The following PCDH15 variants were observed in gnomAD, a reference collection of about 807,000 sequenced individuals.
PCDH15 encodes the protein protocadherin-15.
A neutral mutation model predicts 178.5 loss-of-function variants in PCDH15; 129 were observed. The observed-to-expected ratio is 0.72, with a 90% CI of 0.63 to 0.84. The LOEUF is 0.84. PCDH15 is among the 40% of genes least tolerant of loss of function. The pLI is 0.00. For missense variants in PCDH15, 2,230 were observed against 2,099.9 expected (o/e 1.06, Z -1.21); for synonymous variants, 800 against 732.0 (o/e 1.09, Z -1.50).
intron 8 of PCDH15, among the ~76,000 whole-genome samples, chr10:54,247,269 C>G (rs760740126): frequency 2.8e-4 from 42 of 151,876 alleles, no homozygotes; most frequent in Non-Finnish European, 5.0e-4. Flanking sequence ...TTGCACTCAT[C>G]CACATCAGAA....
chr10:54,297,281 A>C (rs898442700), intron 8 of PCDH15, among the ~76,000 whole-genome samples: 1 of 151,988 alleles, frequency 6.6e-6, no homozygotes, highest in Non-Finnish European at 1.5e-5. Flanking sequence ...GACCAATTTG[A>C]CCCGCAAACC....
chr10:54,968,729 T>C (rs61850894), intron 2 of PCDH15, among the ~76,000 whole-genome samples: 35,474 of 152,060 alleles, frequency 0.23, 4,973 homozygotes, highest in Non-Finnish European at 0.32. Context: ...TTTCCCTTCC[T>C]CTTTCAAGAA....
At chr10:55,305,483 C>T (rs1843398712) in intron 1 of PCDH15, among the ~76,000 whole-genome samples, 2 of 152,136 alleles carry the variant, frequency 1.3e-5, no homozygotes, top group African/African-American at 2.4e-5. Flanking sequence ...GCTGAGGCCC[C>T]CAGGCACTGT....
chr10:53,808,315 ATATAGTGT>A (rs1306024519), intron 37 of PCDH15: 2 of 515,984 alleles, frequency 3.9e-6, no homozygotes, highest in African/African-American at 4.6e-5. Flanking sequence ...ATAAAAACAT[ATATAGTGT>A]GTGTGTGTAT....
intron 3 of PCDH15, among the ~76,000 whole-genome samples, chr10:54,426,908 A>T (rs952237813): frequency 1.4e-5 from 2 of 145,874 alleles, no homozygotes; most frequent in African/African-American, 2.6e-5. Context: ...CATGAGTATA[A>T]AAAAAAAAAG....
intron 1 of PCDH15, among the ~76,000 whole-genome samples, chr10:55,273,659 C>T (rs1416844911): frequency 6.6e-6 from 1 of 152,022 alleles, no homozygotes; most frequent in Admixed American, 6.6e-5. Flanking sequence ...GACATCTACT[C>T]ACTATGTGAA....
intron 8 of PCDH15, among the ~76,000 whole-genome samples, chr10:54,314,542 G>C (rs1036958120): frequency 1.3e-5 from 2 of 152,062 alleles, no homozygotes; most frequent in African/African-American, 4.8e-5. Flanking sequence ...TAAAAAAAGA[G>C]TTATATTTTA....
intron 2 of PCDH15, among the ~76,000 whole-genome samples, chr10:54,627,198 T>C (rs12570816): frequency 0.11 from 16,629 of 152,162 alleles, 1,225 homozygotes; most frequent in East Asian, 0.36. Flanking sequence ...CTGTGGACTT[T>C]TGAGTTAATG....
chr10:53,806,477 G>A lies in PCDH15; in HGVS notation c.*102C>T. On this transcript the variant is annotated 3_prime_UTR_variant, in exon 38 of 38. Transcript: ENST00000644397. ...TATTGTTCAAAGTTTTAGCTTGTGT[G>A]CATGATATAAATTCCATACATTGTT... is the stretch of plus-strand genomic sequence containing the variant. 1.0e-6 allele frequency: 1 copy of A among 998,216 alleles called. No homozygotes were observed. Among genetic ancestry groups the A allele is most frequent in the South Asian group, 1.8e-5 (1 of 55,060 alleles). The allele number at this position is 998,216 out of a possible 1,614,324, so 61.8% of individuals were successfully genotyped here. A position where few individuals can be genotyped will look rare whatever the true frequency, so the allele number is the denominator to read the frequency against.
chr10:54,056,039 T>G lies in PCDH15; in HGVS notation c.2220+10718A>C, dbSNP rs78357693. Among the ~76,000 whole-genome samples the G allele has an allele frequency of 5.0e-3, 768 of 152,326 alleles. 10 individuals are homozygous for G. Among genetic ancestry groups the G allele is most frequent in the African/African-American group, 0.018 (730 of 41,576 alleles). On this transcript the variant is annotated intron_variant, in intron 18 of 37. Transcript: ENST00000644397. Reference sequence around the variant, plus strand: ...ATTAGCATAAATTATTCCCAGGAAATCCTTCAATTCTCTTTTAGGAATAAA... The same window carrying G: ...ATTAGCATAAATTATTCCCAGGAAAGCCTTCAATTCTCTTTTAGGAATAAA...
chr10:54,602,243 A>G (rs1454919518), intron 2 of PCDH15, among the ~76,000 whole-genome samples: 1 of 151,930 alleles, frequency 6.6e-6, no homozygotes, highest in Middle Eastern at 3.2e-3. Flanking sequence ...AATATATTTC[A>G]AAGTATTTAT....
chr10:54,553,559 A>G (rs1277142367), intron 2 of PCDH15, among the ~76,000 whole-genome samples: 1 of 152,174 alleles, frequency 6.6e-6, no homozygotes, highest in Non-Finnish European at 1.5e-5. Flanking sequence ...GAGGAGGTTT[A>G]TACAAAAATG....
intron 1 of PCDH15, among the ~76,000 whole-genome samples, chr10:55,222,730 C>CACATATATATATATATATATAT: frequency 1.1e-4 from 13 of 121,236 alleles, no homozygotes; most frequent in East Asian, 2.4e-4. Flanking sequence ...CACACACACA[C>CACATATATATATATATATATAT]ATATATATAT....
At chr10:54,662,740 C>G (rs1425232959) in intron 2 of PCDH15, among the ~76,000 whole-genome samples, 2 of 151,928 alleles carry the variant, frequency 1.3e-5, no homozygotes, top group East Asian at 1.9e-4. Context: ...CTTTCCTGCT[C>G]AGTGTGAACA....
At chr10:54,978,189 A>G (rs73267978) in intron 2 of PCDH15, among the ~76,000 whole-genome samples, 3,122 of 152,236 alleles carry the variant, frequency 0.021, 128 homozygotes, top group African/African-American at 0.071. Context: ...ATAAATTGAA[A>G]CTAGTAAAGG....
intron 2 of PCDH15, among the ~76,000 whole-genome samples, chr10:55,489,566 C>A (rs1840369400): frequency 6.6e-6 from 1 of 151,804 alleles, no homozygotes; most frequent in South Asian, 2.1e-4. Context: ...CTCAGTAAAT[C>A]TCTCATACAT....
At chr10:55,307,085 A>G (rs1843446359) in intron 1 of PCDH15, among the ~76,000 whole-genome samples, 1 of 151,892 alleles carries the variant, frequency 6.6e-6, no homozygotes, top group Admixed American at 6.6e-5. Flanking sequence ...ACATCTTAAA[A>G]TATTTTTCTG....
At chr10:54,736,472 C>A (rs1944136839) in intron 1 of PCDH15, among the ~76,000 whole-genome samples, 1 of 151,962 alleles carries the variant, frequency 6.6e-6, no homozygotes, top group South Asian at 2.1e-4. Flanking sequence ...CATGCTATGA[C>A]CATCACCAGC....
chr10:55,286,798 T>C lies in PCDH15; in HGVS notation c.-156+32801A>G, dbSNP rs562255570. ...CTTCTTCCATTTCCAGTACTCATGA[T>C]GAAGGATATTCCTCTTTGCATCCTT... On this transcript the variant is annotated intron_variant, in intron 1 of 5. Coordinates refer to the PCDH15 transcript ENST00000458638. Among the ~76,000 whole-genome samples the C allele has an allele frequency of 3.3e-5, 5 of 152,162 alleles. No individual in the cohort carries two copies. The South Asian group carries it at 8.3e-4, about 25-fold the overall frequency.
Sources: allele counts gnomAD v4.1 joint callset (sites outside exome capture counted in the v4.1 genomes callset), GRCh38; gene constraint gnomAD v4.1.1; transcripts MANE v1.5; gene names NCBI Gene and HGNC (gene_info 2026-07-23, HGNC 2026-07-21).